ROBO2: variants seen among roughly 807,000 people sequenced by gnomAD.
ROBO2 encodes roundabout homolog 2.
In ROBO2, 53 loss-of-function variants were observed where a neutral mutation model predicts 160.8. The ratio of observed to expected loss-of-function variants is 0.33; its 90% CI spans 0.26 to 0.41. ROBO2 has a LOEUF of 0.41. Ranked by LOEUF, ROBO2 falls within the 10% of genes least tolerant of loss-of-function variation. The pLI is 1.00. For synonymous variants in ROBO2, 664 were observed against 611.7 expected (o/e 1.09, Z -1.26); for missense variants, 1,577 against 1,722.4 (o/e 0.92, Z 1.49).
intron 2 of ROBO2, among the ~76,000 whole-genome samples, chr3:77,007,257 T>G (rs1235096215): frequency 6.6e-6 from 1 of 152,166 alleles, no homozygotes; most frequent in African/African-American, 2.4e-5. Context: ...AATGCATTAA[T>G]TAAAATGTAG....
At chr3:76,555,896 C>T (rs1426459412) in intron 2 of ROBO2, among the ~76,000 whole-genome samples, 1 of 151,966 alleles carries the variant, frequency 6.6e-6, no homozygotes, top group Non-Finnish European at 1.5e-5. Flanking sequence ...GCCTGGCCAA[C>T]ATGGTGAAAC....
chr3:76,030,965 C>T (rs534539142), intron 2 of ROBO2, among the ~76,000 whole-genome samples: 1 of 152,218 alleles, frequency 6.6e-6, no homozygotes, highest in African/African-American at 2.4e-5. Context: ...GGGAGTATGG[C>T]CATTTTCACA....
At chr3:76,448,536 C>A (rs1051842577) in intron 2 of ROBO2, among the ~76,000 whole-genome samples, 1 of 152,126 alleles carries the variant, frequency 6.6e-6, no homozygotes, top group Non-Finnish European at 1.5e-5. Flanking sequence ...AGGTTGTTAT[C>A]GACCCAAGAC....
intron 6 of ROBO2, among the ~76,000 whole-genome samples, chr3:77,537,108 G>GC (rs374946945): frequency 0.048 from 6,749 of 140,844 alleles, 276 homozygotes; most frequent in African/African-American, 0.11. Flanking sequence ...GTGGGGGGGG[G>GC]GTGTATTACA....
At chr3:76,993,854 A>G (rs1241134981) in intron 2 of ROBO2, among the ~76,000 whole-genome samples, 1 of 151,874 alleles carries the variant, frequency 6.6e-6, no homozygotes, top group Non-Finnish European at 1.5e-5. Flanking sequence ...CCCATGTAGT[A>G]CTATATATTT....
chr3:76,052,244 G>T (rs1295628475), intron 2 of ROBO2, among the ~76,000 whole-genome samples: 1 of 151,996 alleles, frequency 6.6e-6, no homozygotes, highest in East Asian at 1.9e-4. Flanking sequence ...TTAAAATTAA[G>T]AGACAATGGA....
intron 2 of ROBO2, among the ~76,000 whole-genome samples, chr3:77,391,271 T>G (rs571506139): frequency 1.3e-5 from 2 of 152,236 alleles, no homozygotes; most frequent in East Asian, 3.9e-4. Flanking sequence ...GAAATTTGCA[T>G]TATAGTATAA....
At chr3:77,513,872 A>G (rs1369024510) in intron 5 of ROBO2, among the ~76,000 whole-genome samples, 1 of 151,726 alleles carries the variant, frequency 6.6e-6, no homozygotes, top group Non-Finnish European at 1.5e-5. Context: ...AGTGTTTCAT[A>G]TCAGAAAAAA....
intron 2 of ROBO2, among the ~76,000 whole-genome samples, chr3:76,215,189 A>G (rs1703423443): frequency 6.6e-6 from 1 of 152,200 alleles, no homozygotes; most frequent in Admixed American, 6.5e-5. Context: ...GACCAAAGGT[A>G]GATAAAGCCA....
At chr3:77,396,666 G>A (rs1489064279) in intron 2 of ROBO2, among the ~76,000 whole-genome samples, 1 of 152,118 alleles carries the variant, frequency 6.6e-6, no homozygotes, top group Non-Finnish European at 1.5e-5. Flanking sequence ...TGGTTAGATT[G>A]CTGTTATTAA....
At chr3:76,389,775 C>A (rs2077060597) in intron 2 of ROBO2, among the ~76,000 whole-genome samples, 1 of 152,000 alleles carries the variant, frequency 6.6e-6, no homozygotes, top group Non-Finnish European at 1.5e-5. Flanking sequence ...TTGTTACATA[C>A]ATCTATATTA....
At chr3:76,625,852 T>C (rs533089588) in intron 2 of ROBO2, among the ~76,000 whole-genome samples, 1 of 152,158 alleles carries the variant, frequency 6.6e-6, no homozygotes, top group African/African-American at 2.4e-5. Context: ...CTGAGAGATT[T>C]TAACAGATGA....
In ROBO2 at chr3:76,783,792, C is replaced by A. The variant is rs190585617; in HGVS notation, c.110-314222C>A. ...TTTGGGGAGTTTTCTGTCATTATTT[C>A]TTAAAATAAGTTTTCTGGCCCTTTC... On this transcript the variant is annotated intron_variant, in intron 2 of 26. Coordinates refer to the ROBO2 transcript ENST00000487694. Among the ~76,000 whole-genome samples, 287 of 151,004 alleles carry A rather than the reference C, an allele frequency of 1.9e-3. 1 individual carries two copies. The highest frequency in any genetic ancestry group is 6.7e-3 in the African/African-American group (279 of 41,396).
At chr3:76,363,136 A>G (rs1358725261) in intron 2 of ROBO2, among the ~76,000 whole-genome samples, 1 of 152,032 alleles carries the variant, frequency 6.6e-6, no homozygotes, top group Non-Finnish European at 1.5e-5. Context: ...TACAGCAGGT[A>G]GCACTCGATA....
chr3:77,490,057 C>T (rs1403203392), intron 4 of ROBO2, among the ~76,000 whole-genome samples: 2 of 150,766 alleles, frequency 1.3e-5, no homozygotes, highest in Admixed American at 6.6e-5. Context: ...TCGGCATGCC[C>T]GTCTTGTTCC....
chr3:76,625,259 T>G (rs1229628459), intron 2 of ROBO2, among the ~76,000 whole-genome samples: 2 of 152,080 alleles, frequency 1.3e-5, no homozygotes, highest in Admixed American at 6.5e-5. Context: ...AACCACGGCT[T>G]TTTTTCATTT....
chr3:76,834,070 C>CT lies in ROBO2; in HGVS notation c.110-263941dup, dbSNP rs779006045. ...TTTCTCTCCTTTCTTTCTTTTCTTT[C>CT]TTTCTTTCTTTCTTTCTTTCTTTCT... On this transcript the variant is annotated intron_variant, in intron 2 of 26. Coordinates refer to the ROBO2 transcript ENST00000487694. Among the ~76,000 whole-genome samples, 706 of 95,594 alleles carry CT rather than the reference C, an allele frequency of 7.4e-3. 24 individuals carry two copies. Among genetic ancestry groups the CT allele is most frequent in the East Asian group, 0.019 (61 of 3,164 alleles). 62.7% of individuals were successfully genotyped at this position (95,594 alleles called of 152,430 possible). A position where few individuals can be genotyped will look rare whatever the true frequency, so the allele number is the denominator to read the frequency against.
chr3:76,759,332 T>C (rs1273146628), intron 2 of ROBO2, among the ~76,000 whole-genome samples: 1 of 151,840 alleles, frequency 6.6e-6, no homozygotes, highest in African/African-American at 2.4e-5. Flanking sequence ...TTTAATTAAA[T>C]GTCAGAATTT....
chr3:76,519,954 A>G (rs2081518871), intron 2 of ROBO2, among the ~76,000 whole-genome samples: 1 of 152,270 alleles, frequency 6.6e-6, no homozygotes, highest in South Asian at 2.1e-4. Flanking sequence ...CGAAAAGCCT[A>G]AGAACAGACT....
Sources: allele counts gnomAD v4.1 joint callset (sites outside exome capture counted in the v4.1 genomes callset), GRCh38; gene constraint gnomAD v4.1.1; transcripts MANE v1.5; gene names NCBI Gene and HGNC (gene_info 2026-07-23, HGNC 2026-07-21).